Variants in SLC41A1 observed in about 807,000 individuals in gnomAD.
SLC41A1 encodes solute carrier family 41 member 1, also known as solute carrier family 41 (magnesium transporter), member 1.
In SLC41A1, 20 loss-of-function variants were observed where a neutral mutation model predicts 47.3. That is an observed-to-expected ratio of 0.42 (90% CI 0.30 to 0.61). The LOEUF (loss-of-function observed/expected upper bound fraction) is 0.61, where lower values mean the gene tolerates loss of function less well. Ranked by LOEUF, SLC41A1 falls within the 20% of genes least tolerant of loss-of-function variation. The pLI, the probability that SLC41A1 is intolerant of heterozygous loss-of-function variation, is 0.17. For synonymous variants in SLC41A1, 282 were observed against 272.7 expected, an observed-to-expected ratio of 1.03 and a Z score of -0.34; for missense variants, 504 against 674.1, an observed-to-expected ratio of 0.75 and a Z score of 2.79.
At position 205,798,734 on chromosome 1, in the gene SLC41A1, C is replaced by A; in HGVS notation, c.779G>T (p.Ser260Ile). Residue 260 changes from serine to isoleucine, a missense_variant, in exon 6 of 11, where the codon AGC (serine) becomes ATC (isoleucine). Transcript: ENST00000367137. ...PDNVATPIAA[S>I]LGDLITLALL... ...CGCCAAGGTGATGAGGTCGCCCAGGCTGGCAGCAATGGGTGTGGCCACGTT... is the reference window on the plus strand; with the variant it reads ...CGCCAAGGTGATGAGGTCGCCCAGGATGGCAGCAATGGGTGTGGCCACGTT... The A allele has an allele frequency of 1.2e-6, 2 of 1,614,184 alleles. No homozygotes were observed. The highest frequency in any genetic ancestry group is 1.7e-6 in the Non-Finnish European group (2 of 1,180,044).
rs1553257101 is a variant in SLC41A1, at chr1:205,795,615, C to T, written c.1073-137G>A. Reference sequence around the variant, plus strand: ...TAATTTAGGGTCTATGTGGGCATCACCCATTCACCAGTCCCCAAAAGAAGA... The same window carrying T: ...TAATTTAGGGTCTATGTGGGCATCATCCATTCACCAGTCCCCAAAAGAAGA... On this transcript the variant is annotated intron_variant, in intron 8 of 10. Coordinates refer to ENST00000367137, the MANE Select transcript of SLC41A1 (RefSeq NM_173854.6). The T allele has an allele frequency of 6.5e-6, 7 of 1,081,862 alleles. No homozygotes were observed. In the East Asian group the frequency reaches 1.8e-4, roughly 28 times the overall value. 67.0% of individuals were successfully genotyped at this position (1,081,862 alleles called of 1,614,324 possible). A position where few individuals can be genotyped will look rare whatever the true frequency, so the allele number is the denominator to read the frequency against.
At chr1:205,795,715 G>A in intron 8 of SLC41A1, 2 of 599,832 alleles carry the variant, frequency 3.3e-6, no homozygotes, top group Non-Finnish European at 5.9e-6. Context: ...TCCCCTCTAT[G>A]GAGATGCAGC....
chr1:205,795,722 C>G, intron 8 of SLC41A1: 3 of 586,670 alleles, frequency 5.1e-6, no homozygotes, highest in South Asian at 3.9e-5. Context: ...TATGGAGATG[C>G]AGCAGTTCCA....
chr1:205,807,824 T>C (rs958225633), intron 2 of SLC41A1, among the ~76,000 whole-genome samples: 1 of 99,920 alleles, frequency 1.0e-5, no homozygotes, highest in Non-Finnish European at 2.0e-5. Context: ...GCCTGACTAT[T>C]TTTTTTTTTT....
intron 2 of SLC41A1, among the ~76,000 whole-genome samples, chr1:205,806,575 G>A (rs979250524): frequency 1.8e-4 from 27 of 152,212 alleles, no homozygotes; most frequent in Non-Finnish European, 2.9e-5. Context: ...GGGCAGATGG[G>A]CACAAGGCTC....
intron 2 of SLC41A1, among the ~76,000 whole-genome samples, chr1:205,809,104 C>T (rs914513105): frequency 2.0e-5 from 3 of 152,226 alleles, no homozygotes; most frequent in Non-Finnish European, 2.9e-5. Context: ...CAGAGGCCAG[C>T]ATTCAGCAGG....
intron 2 of SLC41A1, among the ~76,000 whole-genome samples, chr1:205,808,805 G>T (rs931890096): frequency 6.6e-6 from 1 of 152,220 alleles, no homozygotes; most frequent in African/African-American, 2.4e-5. Context: ...GCACTCTCAT[G>T]AGCAACCAAA....
chr1:205,795,662 C>T, intron 8 of SLC41A1, 184 bp from the exon 9 acceptor site: 4 of 720,838 alleles, frequency 5.5e-6, no homozygotes, highest in Middle Eastern at 3.8e-4. Context: ...AGAAGGAAGA[C>T]AAAGACCCCT....
At chr1:205,809,665 C>T (rs1190858521) in intron 2 of SLC41A1, among the ~76,000 whole-genome samples, 1 of 152,116 alleles carries the variant, frequency 6.6e-6, no homozygotes, top group Non-Finnish European at 1.5e-5. Flanking sequence ...ACTGAGCTTT[C>T]TACTATGGGT....
Position 205,810,633 on chromosome 1 carries a change from C to T in SLC41A1, c.-192G>A, listed in dbSNP as rs888091187. The T allele has an allele frequency of 3.2e-5, 25 of 784,186 alleles. No homozygotes were observed. Among genetic ancestry groups the T allele is most frequent in the Non-Finnish European group, 4.0e-5 (20 of 499,148 alleles). The allele number at this position is 784,186 out of a possible 1,614,324, so 48.6% of individuals were successfully genotyped here. A position where few individuals can be genotyped will look rare whatever the true frequency, so the allele number is the denominator to read the frequency against. ...CACCAACAGGCAGCCCCATCAAGCA[C>T]TGAAGCCGCAAGCTGGGAAGAAACA... On this transcript the variant is annotated 5_prime_UTR_variant, in exon 2 of 11. The change creates a new upstream start codon in the 5' untranslated region. Transcript: ENST00000367137. This position sits in a 1 kb window ranked among gnomAD's most constrained non-coding sequence, Gnocchi z 5.5.
chr1:205,805,160 T>C (rs1223487979), intron 2 of SLC41A1, among the ~76,000 whole-genome samples: 1 of 152,108 alleles, frequency 6.6e-6, no homozygotes, highest in Non-Finnish European at 1.5e-5. Flanking sequence ...TCCCGACTCT[T>C]ACAGAATATA....
intron 1 of SLC41A1, among the ~76,000 whole-genome samples, chr1:205,811,408 G>A (rs993247244): frequency 6.6e-6 from 1 of 152,190 alleles, no homozygotes; most frequent in African/African-American, 2.4e-5. Context: ...TCAGCAACTG[G>A]GGGTGGGTAG....
Position 205,798,746 on chromosome 1 carries a change from G to A in SLC41A1, c.767C>T (p.Pro256Leu). The change falls in exon 6 of 11, where the codon CCC becomes CTC. Residue 256 changes from proline (P) to leucine (L), a missense_variant. Physicochemically the swap from Pro to Leu is moderately conservative, Grantham distance 98 (BLOSUM62 -3). Transcript: ENST00000367137. ...IGINPDNVAT[P>L]IAASLGDLIT... ...GAGGTCGCCCAGGCTGGCAGCAATG[G>A]GTGTGGCCACGTTGTCTGGGTTGAT... The A allele has an allele frequency of 6.2e-7, 1 of 1,614,092 alleles. No homozygotes were observed. Among genetic ancestry groups the A allele is most frequent in the East Asian group, 2.2e-5 (1 of 44,856 alleles).
intron 6 of SLC41A1, among the ~76,000 whole-genome samples, 180 bp from the exon 7 acceptor site, chr1:205,798,231 C>G (rs1057457930): frequency 8.5e-5 from 13 of 152,172 alleles, no homozygotes; most frequent in African/African-American, 3.1e-4. Context: ...AAGCCTTTTC[C>G]ATTTTATGGA....
intron 2 of SLC41A1, among the ~76,000 whole-genome samples, chr1:205,809,396 G>C (rs544431896): frequency 3.3e-5 from 5 of 152,332 alleles, no homozygotes; most frequent in African/African-American, 4.8e-5. Context: ...GCAAAGAGGA[G>C]AGACAGTTCT....
intron 2 of SLC41A1, among the ~76,000 whole-genome samples, chr1:205,806,782 C>T (rs1480932489): frequency 1.3e-5 from 2 of 152,106 alleles, no homozygotes; most frequent in African/African-American, 2.4e-5. Context: ...TGCACATTTA[C>T]GGGAGGGCAG....
At chr1:205,800,085 A>G (rs576677611) in intron 3 of SLC41A1, among the ~76,000 whole-genome samples, 2 of 152,302 alleles carry the variant, frequency 1.3e-5, no homozygotes, top group South Asian at 4.1e-4. Flanking sequence ...CTCTCAGGAC[A>G]CCAGCTGAGC....
Position 205,791,349 on chromosome 1 carries a change from C to T in SLC41A1, c.*184G>A. 1.4e-6 allele frequency: 1 copy of T among 736,970 alleles called. No homozygotes were observed. Among genetic ancestry groups the T allele is most frequent in the Non-Finnish European group, 2.3e-6 (1 of 439,328 alleles). 45.7% of individuals were successfully genotyped at this position (736,970 alleles called of 1,614,324 possible). A position where few individuals can be genotyped will look rare whatever the true frequency, so the allele number is the denominator to read the frequency against. On this transcript the variant is annotated 3_prime_UTR_variant, in exon 11 of 11. Transcript: ENST00000367137. The surrounding 1 kb of genome is among the most constrained non-coding windows in gnomAD (Gnocchi z 4.0). ...GCTTATCTCAGGCCATCTGTGTTTC[C>T]CAAATTCTTGCTATACAAACTTGGC...
Position 205,813,183 on chromosome 1 carries a change from T to G in SLC41A1, c.-1022A>C, listed in dbSNP as rs1656206028. 1 of 985,070 alleles carries G rather than the reference T, an allele frequency of 1.0e-6. No individual in the cohort carries two copies. The highest frequency in any genetic ancestry group is 1.2e-6 in the Non-Finnish European group (1 of 829,930). The allele number at this position is 985,070 out of a possible 1,614,324, so 61.0% of individuals were successfully genotyped here. ...ACTGGTTGGCTGCCGGTGGCAAACGTGATCTGGGGCAGACTGGGTGGCACC... is the reference window on the plus strand; with the variant it reads ...ACTGGTTGGCTGCCGGTGGCAAACGGGATCTGGGGCAGACTGGGTGGCACC... On this transcript the variant is annotated 5_prime_UTR_variant, in exon 1 of 11. Coordinates refer to ENST00000367137, the MANE Select transcript of SLC41A1 (RefSeq NM_173854.6).
Sources: gnomAD v4.1 joint callset for allele counts (sites outside exome capture counted in the v4.1 genomes callset) on GRCh38, gnomAD v4.1.1 for gene constraint, Gnocchi (gnomAD v3.1) non-coding constraint, MANE v1.5 for transcripts, NCBI Gene and HGNC (gene_info 2026-07-23, HGNC 2026-07-21) for gene names.